The following KDM7A variants were observed in gnomAD, a reference collection of about 807,000 sequenced individuals.
KDM7A encodes lysine demethylase 7A.
A neutral mutation model predicts 114.8 loss-of-function variants in KDM7A; 28 were observed. The observed-to-expected ratio is 0.24, with a 90% CI of 0.18 to 0.33. KDM7A has a LOEUF of 0.33. Ranked by LOEUF, KDM7A falls within the 10% of genes least tolerant of loss-of-function variation. The pLI is 1.00. For synonymous variants in KDM7A, 423 were observed against 397.8 expected (o/e 1.06, Z -0.75); for missense variants, 942 against 1,142.5 (o/e 0.82, Z 2.53).
intron 14 of KDM7A, 84 bp from the exon 15 acceptor site, chr7:140,097,726 C>A: frequency 1.3e-6 from 1 of 744,188 alleles, no homozygotes; most frequent in Non-Finnish European, 2.4e-6. Flanking sequence ...TAAAGTCCAC[C>A]CAGCTTGTGA....
At chr7:140,122,172 C>T (rs903214493) in intron 7 of KDM7A, among the ~76,000 whole-genome samples, 3 of 152,222 alleles carry the variant, frequency 2.0e-5, no homozygotes, top group Non-Finnish European at 4.4e-5. Context: ...CACTGACACA[C>T]ACCTAGATTG....
At chr7:140,099,212 T>G (rs925045049) in intron 13 of KDM7A, among the ~76,000 whole-genome samples, 179 bp from the exon 14 acceptor site, 1 of 152,196 alleles carries the variant, frequency 6.6e-6, no homozygotes, top group East Asian at 1.9e-4. Flanking sequence ...TTTTGTTTTT[T>G]GAGACAGGGT....
intron 1 of KDM7A, among the ~76,000 whole-genome samples, chr7:140,163,423 T>C (rs905403975): frequency 1.2e-4 from 18 of 152,140 alleles, no homozygotes; most frequent in African/African-American, 3.4e-4. Flanking sequence ...TAGCTAGGAC[T>C]ACAGGCACAT....
chr7:140,103,716 G>A (rs999836481), intron 11 of KDM7A, among the ~76,000 whole-genome samples: 1 of 152,138 alleles, frequency 6.6e-6, no homozygotes, highest in African/African-American at 2.4e-5. Flanking sequence ...ATCATTGATG[G>A]ACATTTGGGT....
intron 1 of KDM7A, among the ~76,000 whole-genome samples, chr7:140,161,250 A>T (rs1253642875): frequency 6.6e-6 from 1 of 152,226 alleles, no homozygotes; most frequent in African/African-American, 2.4e-5. Context: ...AGAAGAGGAA[A>T]AACCCATGAA....
intron 7 of KDM7A, among the ~76,000 whole-genome samples, chr7:140,123,641 A>G (rs1818650205): frequency 6.6e-6 from 1 of 152,202 alleles, no homozygotes; most frequent in Admixed American, 6.5e-5. Flanking sequence ...AGGGTCATGC[A>G]GATGCTCAAA....
Position 140,127,434 on chromosome 7 carries a change from C to T in KDM7A, c.701+8G>A. ...GAATGCTAAACCAAAATACCCAGAA[C>T]TACTCACTTTGTATCTGAAAATTCA... On this transcript the variant is annotated splice_region_variant and intron_variant, in intron 5 of 19. Transcript: ENST00000397560. 3 of 1,610,808 alleles carry T rather than the reference C, an allele frequency of 1.9e-6. No homozygotes were observed. Among genetic ancestry groups the T allele is most frequent in the Non-Finnish European group, 2.5e-6 (3 of 1,178,332 alleles).
intron 10 of KDM7A, among the ~76,000 whole-genome samples, 173 bp from the exon 11 acceptor site, chr7:140,111,357 C>T (rs1231678593): frequency 6.6e-6 from 1 of 152,156 alleles, no homozygotes; most frequent in Non-Finnish European, 1.5e-5. Context: ...TAAGGAGATT[C>T]TCATTAACAT....
chr7:140,127,012 T>G (rs943092710), intron 5 of KDM7A, among the ~76,000 whole-genome samples, 189 bp from the exon 6 acceptor site: 5 of 152,332 alleles, frequency 3.3e-5, no homozygotes, highest in African/African-American at 1.2e-4. Flanking sequence ...TAGGCTAGAG[T>G]GCAGTGGCGC....
chr7:140,132,372 A>C (rs1818801868), intron 3 of KDM7A, among the ~76,000 whole-genome samples: 1 of 148,740 alleles, frequency 6.7e-6, no homozygotes, highest in Non-Finnish European at 1.5e-5. Flanking sequence ...TTAACACTAC[A>C]TTTTTGTGTC....
intron 11 of KDM7A, among the ~76,000 whole-genome samples, chr7:140,106,292 T>A (rs376384604): frequency 1.2e-4 from 18 of 152,340 alleles, no homozygotes; most frequent in Non-Finnish European, 1.6e-4. Context: ...CTCCTTCAGT[T>A]CTGCTCTGAT....
Position 140,176,908 on chromosome 7 carries a change from C to T in KDM7A, c.30G>A (p.Ala10=). 3 of 1,171,636 alleles carry T rather than the reference C, an allele frequency of 2.6e-6. No homozygotes were observed. The highest frequency in any genetic ancestry group is 2.1e-6 in the Non-Finnish European group (2 of 942,794). 72.6% of individuals were successfully genotyped at this position (1,171,636 alleles called of 1,614,324 possible). Residue 10 remains alanine (A), a synonymous_variant, in exon 1 of 20, where the codon GCG becomes GCA. Transcript: ENST00000397560. The surrounding 1 kb of genome is among the most constrained non-coding windows in gnomAD (Gnocchi z 4.4). MAGAAAAVA[A]GAAAGAAAAA... Reference sequence around the variant, plus strand: ...CCGCGGCGGCTCCAGCTGCTGCTCCCGCGGCCACCGCCGCCGCCGCTCCGG... The same window carrying T: ...CCGCGGCGGCTCCAGCTGCTGCTCCTGCGGCCACCGCCGCCGCCGCTCCGG...
At position 140,091,168 on chromosome 7, in the gene KDM7A, T is replaced by A. The variant is rs765010932; in HGVS notation, c.2752A>T (p.Met918Leu). ...ATKGKRPKKGMATAKQRLGKI... is the reference protein window; with the variant it reads ...ATKGKRPKKGLATAKQRLGKI... ...CCAAGACGTTGTTTGGCTGTTGCCA[T>A]TCCTTTTTTTGGACGTTTACCTATA... is the stretch of plus-strand genomic sequence containing the variant. The change falls in exon 20 of 20, where the codon ATG becomes TTG. Residue 918 changes from methionine (M) to leucine (L), a missense_variant. Physicochemically the swap from Met to Leu is conservative, Grantham distance 15. Transcript: ENST00000397560. 1 of 1,613,878 alleles carries A rather than the reference T, an allele frequency of 6.2e-7. No homozygotes were observed. Among genetic ancestry groups the A allele is most frequent in the Non-Finnish European group, 8.5e-7 (1 of 1,179,698 alleles).
At chr7:140,091,434 T>C (rs933846056) in intron 19 of KDM7A, among the ~76,000 whole-genome samples, 10 of 152,212 alleles carry the variant, frequency 6.6e-5, no homozygotes, top group Non-Finnish European at 1.0e-4. Context: ...TTCCCTATCC[T>C]GCATTACACT....
At chr7:140,134,606 A>C (rs1237730868) in intron 2 of KDM7A, among the ~76,000 whole-genome samples, 5 of 151,798 alleles carry the variant, frequency 3.3e-5, no homozygotes, top group African/African-American at 9.7e-5. Flanking sequence ...TAAAACCTCT[A>C]TGATTCTGGA....
chr7:140,091,235 T>TA, intron 19 of KDM7A, 47 bp from the exon 20 acceptor site: 1 of 1,282,814 alleles, frequency 7.8e-7, no homozygotes, highest in Non-Finnish European at 1.1e-6. Flanking sequence ...AAAGTACACT[T>TA]AAGAGAGCAC....
At chr7:140,152,289 A>G (rs898385824) in intron 1 of KDM7A, among the ~76,000 whole-genome samples, 1 of 152,220 alleles carries the variant, frequency 6.6e-6, no homozygotes, top group Non-Finnish European at 1.5e-5. Context: ...TGGTAACAAC[A>G]TCCTACGTGG....
intron 19 of KDM7A, 39 bp downstream of exon 19, chr7:140,091,765 G>T: frequency 6.2e-7 from 1 of 1,602,336 alleles, no homozygotes; most frequent in Non-Finnish European, 8.5e-7. Flanking sequence ...ATCACATACA[G>T]TCAGAAATAT....
At chr7:140,102,625 G>A (rs903470095) in intron 11 of KDM7A, among the ~76,000 whole-genome samples, 8 of 152,140 alleles carry the variant, frequency 5.3e-5, no homozygotes, top group East Asian at 1.9e-4. Flanking sequence ...CACCTGCTTC[G>A]GCCTCCCAAA....
Sources: gnomAD v4.1 joint callset for allele counts (sites outside exome capture counted in the v4.1 genomes callset) on GRCh38, gnomAD v4.1.1 for gene constraint, Gnocchi (gnomAD v3.1) non-coding constraint, MANE v1.5 for transcripts, NCBI Gene and HGNC (gene_info 2026-07-23, HGNC 2026-07-21) for gene names.